The following OPRM1 variants were observed in gnomAD, a reference collection of about 807,000 sequenced individuals.
The protein encoded by OPRM1 is mu-type opioid receptor.
A neutral mutation model predicts 31.8 loss-of-function variants in OPRM1; 27 were observed. The observed-to-expected ratio is 0.85, with a 90% CI of 0.63 to 1.17. OPRM1 has a LOEUF of 1.17. OPRM1 is among the 50% of genes most tolerant of loss of function. The pLI, the probability that OPRM1 is intolerant of heterozygous loss-of-function variation, is 0.00. For synonymous variants in OPRM1, 196 were observed against 189.9 expected, an observed-to-expected ratio of 1.03 and a Z score of -0.26; for missense variants, 536 against 511.1, an observed-to-expected ratio of 1.05 and a Z score of -0.47.
chr6:154,224,364 T>G lies in OPRM1; in HGVS notation c.1165-22329T>G, dbSNP rs375603665. ...CTATGCCCATCTTCTCTCTCTTATG[T>G]GACTCAACTTATCTAAATTATTCAC... On this transcript the variant is annotated intron_variant, in intron 3 of 3. Transcript: ENST00000337049. 6.6e-5 allele frequency among the ~76,000 whole-genome samples: 10 copies of G among 152,304 alleles called. No homozygotes were observed. In the East Asian group the frequency reaches 1.3e-3, roughly 21 times the overall value.
At chr6:154,073,190 T>A (rs1304446864) in intron 1 of OPRM1, among the ~76,000 whole-genome samples, 1 of 152,154 alleles carries the variant, frequency 6.6e-6, no homozygotes, top group Admixed American at 6.5e-5. Flanking sequence ...ACAGCCAATA[T>A]AAGCTGCAGG....
chr6:154,025,935 G>T (rs1778670701), intron 1 of OPRM1, among the ~76,000 whole-genome samples: 1 of 151,834 alleles, frequency 6.6e-6, no homozygotes. Context: ...TTATTGGTTT[G>T]TTATTTATTC....
chr6:154,026,321 T>G (rs1422711465), intron 1 of OPRM1, among the ~76,000 whole-genome samples: 1 of 152,082 alleles, frequency 6.6e-6, no homozygotes, highest in Non-Finnish European at 1.5e-5. Context: ...AGAGCTAAAT[T>G]GTATGTTGTT....
chr6:154,113,315 G>GCC (rs1796538675), intron 3 of OPRM1, among the ~76,000 whole-genome samples: 1 of 152,190 alleles, frequency 6.6e-6, no homozygotes, highest in Non-Finnish European at 1.5e-5. Context: ...AGGCAGGACA[G>GCC]CCCTCTTTAC....
downstream of OPRM1, among the ~76,000 whole-genome samples, chr6:154,136,489 C>G (rs868372041): frequency 5.9e-5 from 9 of 152,134 alleles, no homozygotes; most frequent in Non-Finnish European, 1.0e-4. Context: ...TCAGATATAT[C>G]TAAGTGATTC....
intron 3 of OPRM1, among the ~76,000 whole-genome samples, chr6:154,105,647 T>C (rs1353084973): frequency 6.6e-6 from 1 of 152,214 alleles, no homozygotes; most frequent in Non-Finnish European, 1.5e-5. Flanking sequence ...CTTACTTCTG[T>C]GGCACACAGA....
intron 1 of OPRM1, among the ~76,000 whole-genome samples, chr6:154,080,962 A>G (rs972332240): frequency 2.0e-5 from 3 of 152,046 alleles, no homozygotes; most frequent in African/African-American, 7.3e-5. Flanking sequence ...AACAATCCCA[A>G]TTCTCCATTT....
At chr6:154,044,119 TAG>T (rs3836998) in intron 1 of OPRM1, among the ~76,000 whole-genome samples, 55 of 148,332 alleles carry the variant, frequency 3.7e-4, no homozygotes, top group Admixed American at 7.4e-4. Context: ...GATAGATAGA[TAG>T]AGAGAGAGAG....
chr6:154,229,418 T>C (rs369566932), intron 3 of OPRM1, among the ~76,000 whole-genome samples: 1 of 149,376 alleles, frequency 6.7e-6, no homozygotes, highest in Non-Finnish European at 1.5e-5. Context: ...GGCGCGATCT[T>C]GGCTTACTGC....
intron 1 of OPRM1, among the ~76,000 whole-genome samples, chr6:154,015,507 T>C (rs1011533336): frequency 2.6e-5 from 4 of 151,968 alleles, no homozygotes; most frequent in Admixed American, 2.6e-4. Context: ...TGAGAATAAA[T>C]TCCGAAGGGA....
At chr6:154,083,391 A>C (rs967719689) in intron 1 of OPRM1, 1 of 152,256 alleles carries the variant, frequency 6.6e-6, no homozygotes, top group Non-Finnish European at 1.5e-5. Context: ...CTTCTACACA[A>C]TTATTATGGG....
intron 1 of OPRM1, among the ~76,000 whole-genome samples, chr6:154,040,425 C>T (rs994839178): frequency 2.6e-5 from 4 of 152,174 alleles, no homozygotes; most frequent in Non-Finnish European, 5.9e-5. Context: ...CCCAACTCTT[C>T]CTTTCATCCT....
exon 1 of OPRM1, chr6:154,010,807 A>G (rs1472307429): frequency 1.4e-6 from 2 of 1,403,168 alleles, no homozygotes; most frequent in East Asian, 2.7e-5. Flanking sequence ...GGCTGCTCTG[A>G]GATGATAGAA....
At chr6:154,219,648 AT>A (rs1769907059) in intron 3 of OPRM1, among the ~76,000 whole-genome samples, 1 of 152,154 alleles carries the variant, frequency 6.6e-6, no homozygotes, top group African/African-American at 2.4e-5. Context: ...TAAAAAAAAA[AT>A]AAGTAAAGAT....
At chr6:154,039,161 A>C, upstream of OPRM1, 1 of 1,551,362 alleles carries the variant, frequency 6.4e-7, no homozygotes, top group South Asian at 1.2e-5. Context: ...CCTCCTTTAG[A>C]TGTGTTTGCA....
chr6:154,066,932 A>G (rs1463863196), intron 1 of OPRM1, among the ~76,000 whole-genome samples: 4 of 152,180 alleles, frequency 2.6e-5, no homozygotes, highest in East Asian at 1.9e-4. Context: ...TGGTCATTTC[A>G]TCCAGATTAT....
chr6:154,099,358 AGAG>A (rs1416749742), intron 3 of OPRM1, among the ~76,000 whole-genome samples: 3 of 149,200 alleles, frequency 2.0e-5, no homozygotes, highest in African/African-American at 2.5e-5. Flanking sequence ...CGAGAGAGAG[AGAG>A]AGAGAGAAAG....
chr6:154,139,932 C>T (rs1435325517), intron 3 of OPRM1, among the ~76,000 whole-genome samples: 3 of 152,166 alleles, frequency 2.0e-5, no homozygotes, highest in Non-Finnish European at 2.9e-5. Context: ...GTGACGTTAT[C>T]TCTTGGGGGG....
In OPRM1 at chr6:154,131,415, C is replaced by G. The variant is rs144146388; in HGVS notation, c.*12694C>G. Among the ~76,000 whole-genome samples the G allele has an allele frequency of 3.6e-3, 549 of 152,292 alleles. 2 individuals are homozygous for G. The highest frequency in any genetic ancestry group is 0.013 in the African/African-American group (522 of 41,544). ...TTAAGTCAAACCTAACATAAGCAATCAACCCTTCCACCCATTGTCCTCTTT... is the reference window on the plus strand; with the variant it reads ...TTAAGTCAAACCTAACATAAGCAATGAACCCTTCCACCCATTGTCCTCTTT... On this transcript the variant is annotated 3_prime_UTR_variant, in exon 4 of 4. Transcript: ENST00000330432.
Sources: gnomAD v4.1 joint callset for allele counts (sites outside exome capture counted in the v4.1 genomes callset) on GRCh38, gnomAD v4.1.1 for gene constraint, MANE v1.5 for transcripts, NCBI Gene and HGNC (gene_info 2026-07-23, HGNC 2026-07-21) for gene names.